The following NLRP11 variants were observed in gnomAD, a reference collection of about 807,000 sequenced individuals.
NLRP11 encodes the protein NACHT, LRR and PYD domains-containing protein 11.
NLRP11 carries 53 observed loss-of-function variants against 79.3 expected under a neutral mutation model. The ratio of observed to expected loss-of-function variants is 0.67; its 90% CI spans 0.54 to 0.84. The LOEUF is 0.84. Among genes scored for constraint, NLRP11 ranks in the 40% least tolerant of loss-of-function variants. The probability of loss-of-function intolerance (pLI) is 0.00; values close to 1 mark genes in which losing one functional copy is unlikely to be tolerated. For synonymous variants in NLRP11, 518 were observed against 462.6 expected, an observed-to-expected ratio of 1.12 and a Z score of -1.54; for missense variants, 1,264 against 1,255.0, an observed-to-expected ratio of 1.01 and a Z score of -0.11.
intron 4 of NLRP11, among the ~76,000 whole-genome samples, chr19:55,804,717 G>A (rs1383752412): frequency 6.6e-6 from 1 of 152,116 alleles, no homozygotes; most frequent in Non-Finnish European, 1.5e-5. Flanking sequence ...TGTGACACAA[G>A]TTTACCTACA....
chr19:55,790,771 G>A (rs376098086), intron 7 of NLRP11, among the ~76,000 whole-genome samples: 14 of 152,240 alleles, frequency 9.2e-5, no homozygotes, highest in African/African-American at 2.4e-4. Flanking sequence ...AGACTGGCCC[G>A]GGCAATATAG....
intron 6 of NLRP11, among the ~76,000 whole-genome samples, chr19:55,795,303 A>G (rs905396982): frequency 1.3e-5 from 2 of 152,088 alleles, no homozygotes; most frequent in Non-Finnish European, 1.5e-5. Context: ...AGGGGAAAAA[A>G]TCCTATTTCA....
At chr19:55,810,213 G>T (rs143725072) in exon 3 of NLRP11, 1 of 1,614,076 alleles carries the variant, frequency 6.2e-7, no homozygotes, top group South Asian at 1.1e-5. Context: ...TAGGCTAATT[G>T]AAGTATGTAG....
intron 4 of NLRP11, among the ~76,000 whole-genome samples, chr19:55,804,087 A>T (rs1429155401): frequency 1.3e-5 from 2 of 150,900 alleles, no homozygotes; most frequent in African/African-American, 4.9e-5. Context: ...ACCTCGAAAA[A>T]CAAATTATGT....
chr19:55,832,545 A>C (rs1430863647), upstream of NLRP11, among the ~76,000 whole-genome samples: 2 of 152,338 alleles, frequency 1.3e-5, no homozygotes, highest in East Asian at 3.9e-4. Context: ...TCTAGTGAAG[A>C]CTGATAGCTC....
At chr19:55,817,835 AAAG>A in intron 2 of NLRP11, 66 bp downstream of exon 2, 1 of 1,276,028 alleles carries the variant, frequency 7.8e-7, no homozygotes, top group East Asian at 2.4e-5. Flanking sequence ...AAAAAAAAAA[AAAG>A]GCCCAACACC....
chr19:55,809,687 T>C lies in NLRP11; in HGVS notation c.923A>G (p.Tyr308Cys), dbSNP rs1568636697. 6.2e-7 allele frequency: 1 copy of C among 1,614,112 alleles called. No individual in the cohort carries two copies. Among genetic ancestry groups the C allele is most frequent in the Non-Finnish European group, 8.5e-7 (1 of 1,179,978 alleles). The stretch of plus-strand genomic sequence containing the variant: ...GCGGTCTTTAAAGAAAGAGTTAAAA[T>C]ATATCTCCCTCTTCCCATTCGACAG... Residue 308 changes from tyrosine (Y) to cysteine (C), a missense_variant, in exon 3 of 10, where the codon TAT becomes TGT. Coordinates refer to ENST00000589093, the Ensembl canonical transcript of NLRP11. The surrounding 1 kb of genome is among the most constrained non-coding windows in gnomAD (Gnocchi z 4.5).
chr19:55,787,338 T>A (rs1989941300), intron 9 of NLRP11, among the ~76,000 whole-genome samples: 1 of 152,176 alleles, frequency 6.6e-6, no homozygotes, highest in African/African-American at 2.4e-5. Context: ...AAGCAAGACC[T>A]GTGATTTGCT....
At chr19:55,806,007 T>C (rs1055620198) in intron 4 of NLRP11, among the ~76,000 whole-genome samples, 3 of 152,246 alleles carry the variant, frequency 2.0e-5, no homozygotes, top group African/African-American at 7.2e-5. Context: ...ACAGTTGACC[T>C]TTCCTTCGTT....
exon 3 of NLRP11, chr19:55,809,000 T>G: frequency 6.2e-7 from 1 of 1,614,178 alleles, no homozygotes; most frequent in Non-Finnish European, 8.5e-7. Context: ...CGTCAACTTT[T>G]CCGGGTCACG....
In NLRP11 at chr19:55,792,342, C is replaced by G. The variant is rs370425219; in HGVS notation, c.2472G>C (p.Thr824=). The change falls in exon 7 of 10, where the codon ACG becomes ACC. Residue 824 remains threonine, a synonymous_variant. Coordinates refer to ENST00000589093, the Ensembl canonical transcript of NLRP11. ...GACAGGTTGGAAACAGCAAGGGAAA[C>G]GTCACATGCAACACTCCGTAATTTT... The G allele has an allele frequency of 8.1e-6, 13 of 1,614,036 alleles. No individual in the cohort carries two copies. The African/African-American group carries it at 1.1e-4, about 13-fold the overall frequency.
At chr19:55,822,339 G>A (rs375827167) in intron 1 of NLRP11, among the ~76,000 whole-genome samples, 5 of 152,188 alleles carry the variant, frequency 3.3e-5, no homozygotes, top group East Asian at 1.9e-4. Context: ...ATATCTTTAC[G>A]TCATGACTGA....
chr19:55,792,263 A>G (rs764549101), intron 7 of NLRP11, 38 bp downstream of exon 7: 4 of 1,586,084 alleles, frequency 2.5e-6, no homozygotes, highest in African/African-American at 1.3e-5. Context: ...CTCATGCAGT[A>G]GAAACACAGT....
In NLRP11 at chr19:55,785,717, G is replaced by A. The variant is rs144909019; in HGVS notation, c.3010C>T (p.Pro1004Ser). Residue 1004 changes from proline to serine, a missense_variant, in exon 10 of 10, where the codon CCT becomes TCT. Coordinates refer to ENST00000589093, the Ensembl canonical transcript of NLRP11. ...AACATGTAATCCAAATTAGAATTAG[G>A]TATTATTGAACCTGGCTGAGAAGCA... The A allele has an allele frequency of 9.9e-6, 16 of 1,613,816 alleles. No homozygotes were observed. The Admixed American group carries it at 2.0e-4, about 20-fold the overall frequency.
At chr19:55,798,556 T>C (rs1288097766) in intron 5 of NLRP11, among the ~76,000 whole-genome samples, 1 of 152,080 alleles carries the variant, frequency 6.6e-6, no homozygotes, top group Non-Finnish European at 1.5e-5. Flanking sequence ...AAAATATCTA[T>C]GAGGTACTAG....
Position 55,801,663 on chromosome 19 carries a change from G to C in NLRP11, c.2080C>G (p.Leu694Val), listed in dbSNP as rs767618719. Residue 694 changes from leucine (L) to valine (V), a missense_variant, in exon 5 of 10, where the codon CTG (leucine) becomes GTG (valine). By Grantham distance (32) the Leu-to-Val change is conservative (BLOSUM62 1). Coordinates refer to ENST00000589093, the Ensembl canonical transcript of NLRP11. ...GAAATGGACGTACAGTTGATACTCA[G>C]GTATGTCAGGCTCCGATTACGAGCC... The C allele has an allele frequency of 2.5e-6, 4 of 1,613,530 alleles. No homozygotes were observed. In the African/African-American group the frequency reaches 5.3e-5, roughly 22 times the overall value.
At position 55,788,620 on chromosome 19, in the gene NLRP11, G is replaced by A. The variant is rs1990034313; in HGVS notation, c.2855+187C>T. Reference sequence around the variant, plus strand: ...CCAGGTGTGGTGGTGGGTGCCTGTAGTCCCAGCTACTCAGGAGGCTGAGGA... The same window carrying A: ...CCAGGTGTGGTGGTGGGTGCCTGTAATCCCAGCTACTCAGGAGGCTGAGGA... On this transcript the variant is annotated intron_variant, in intron 9 of 9. Coordinates refer to ENST00000589093, the Ensembl canonical transcript of NLRP11. 2.6e-5 allele frequency among the ~76,000 whole-genome samples: 4 copies of A among 151,252 alleles called. No individual in the cohort carries two copies. The South Asian group carries it at 8.4e-4, about 32-fold the overall frequency.
rs573358704 is a variant in NLRP11 at position 55,794,062 on chromosome 19, A to C, written c.2343-1591T>G. 6.3e-4 allele frequency among the ~76,000 whole-genome samples: 96 copies of C among 152,352 alleles called. 1 individual carries two copies. Among genetic ancestry groups the C allele is most frequent in the Non-Finnish European group, 1.1e-3 (74 of 68,034 alleles). On this transcript the variant is annotated intron_variant, in intron 6 of 9. Transcript: ENST00000589093. ...CCTATTTAAAATAAGTTACCAAAACAAATATTTTTTGCTTAGTATATCTGG... is the reference window on the plus strand; with the variant it reads ...CCTATTTAAAATAAGTTACCAAAACCAATATTTTTTGCTTAGTATATCTGG...
At chr19:55,787,657 G>A (rs1989964810) in intron 9 of NLRP11, among the ~76,000 whole-genome samples, 1 of 152,280 alleles carries the variant, frequency 6.6e-6, no homozygotes, top group Non-Finnish European at 1.5e-5. Flanking sequence ...CTATCCAATA[G>A]GCAAATATGG....
Sources: gnomAD v4.1 joint callset for allele counts (sites outside exome capture counted in the v4.1 genomes callset) on GRCh38, gnomAD v4.1.1 for gene constraint, Gnocchi (gnomAD v3.1) non-coding constraint, MANE v1.5 for transcripts, NCBI Gene and HGNC (gene_info 2026-07-23, HGNC 2026-07-21) for gene names.